Variants in SLC44A3 observed in about 807,000 individuals in gnomAD.
SLC44A3 encodes choline transporter-like protein 3.
Under a neutral mutation model 75.4 loss-of-function variants are expected in SLC44A3, and 74 were observed. The observed-to-expected ratio is 0.98, with a 90% CI of 0.81 to 1.19. The LOEUF (loss-of-function observed/expected upper bound fraction) is 1.19, where lower values mean the gene tolerates loss of function less well. Among genes scored for constraint, SLC44A3 ranks in the 50% most tolerant of loss-of-function variants. The pLI is 0.00. For synonymous variants in SLC44A3, 310 were observed against 296.9 expected (o/e 1.04, Z -0.45); for missense variants, 700 against 778.6 (o/e 0.90, Z 1.20).
At chr1:94,831,673 A>AT (rs1021957018) in intron 5 of SLC44A3, among the ~76,000 whole-genome samples, 1 of 152,104 alleles carries the variant, frequency 6.6e-6, no homozygotes, top group South Asian at 2.1e-4. Context: ...AGGCGTGGAT[A>AT]TTTTCCCCCC....
intron 1 of SLC44A3, 106 bp from the exon 2 acceptor site, chr1:94,820,843 A>G (rs1660465553): frequency 7.6e-7 from 1 of 1,323,042 alleles, no homozygotes; most frequent in Non-Finnish European, 1.0e-6. Flanking sequence ...AAAAATTTAG[A>G]AAAAGATTGG....
intron 11 of SLC44A3, among the ~76,000 whole-genome samples, chr1:94,865,368 C>T (rs1667036481): frequency 6.6e-6 from 1 of 151,924 alleles, no homozygotes; most frequent in Non-Finnish European, 1.5e-5. Context: ...ATGGGAAATT[C>T]CTGGTGTGTG....
At chr1:94,864,714 T>A in intron 10 of SLC44A3, 29 bp from the exon 11 acceptor site, 2 of 1,597,416 alleles carry the variant, frequency 1.3e-6, no homozygotes, top group Non-Finnish European at 1.7e-6. Context: ...AAAGTGTTTT[T>A]AAAATGCTAT....
intron 12 of SLC44A3, chr1:94,889,051 G>T (rs527962364): frequency 1.3e-5 from 2 of 152,130 alleles, no homozygotes; most frequent in South Asian, 4.2e-4. Flanking sequence ...ATGAGCCACC[G>T]TGCCTGGCCC....
intron 12 of SLC44A3, among the ~76,000 whole-genome samples, chr1:94,890,558 T>C (rs1456926771): frequency 6.6e-6 from 1 of 152,254 alleles, no homozygotes; most frequent in African/African-American, 2.4e-5. Context: ...TTGAAGGAGC[T>C]CACTTCCCTA....
chr1:94,840,099 A>G (rs1663381650), intron 7 of SLC44A3, 62 bp downstream of exon 7: 2 of 1,429,644 alleles, frequency 1.4e-6, no homozygotes, highest in Admixed American at 3.4e-5. Flanking sequence ...TACATTAAGT[A>G]CAGAACTTAA....
intron 12 of SLC44A3, among the ~76,000 whole-genome samples, chr1:94,880,407 A>T (rs1270825051): frequency 6.6e-6 from 1 of 152,208 alleles, no homozygotes; most frequent in African/African-American, 2.4e-5. Context: ...GATGAACCCC[A>T]AGGACATTAT....
At chr1:94,844,067 A>G (rs698965) in intron 8 of SLC44A3, among the ~76,000 whole-genome samples, 33,726 of 152,100 alleles carry the variant, frequency 0.22, 3,910 homozygotes, top group African/African-American at 0.27. Context: ...GTCCTTGACC[A>G]TAAGAATGGC....
At chr1:94,884,206 G>T (rs1157510574) in intron 12 of SLC44A3, among the ~76,000 whole-genome samples, 1 of 152,188 alleles carries the variant, frequency 6.6e-6, no homozygotes, top group African/African-American at 2.4e-5. Flanking sequence ...AGCCCCAGGG[G>T]ACTGGCTGCT....
intron 13 of SLC44A3, 31 bp downstream of exon 13, chr1:94,891,298 G>T (rs189102530): frequency 1.9e-6 from 3 of 1,566,974 alleles, no homozygotes; most frequent in African/African-American, 1.4e-5. Flanking sequence ...AAAGGAGCCT[G>T]GGATTCTGAA....
rs139808239 is a variant in SLC44A3, at chr1:94,842,088, C to T, written c.849C>T (p.Cys283=). ...ACACAGAAAGGGAAAATATGAAGTG[C>T]GTGCTGGGGTTTGCTATCGTATCCA... The part of the protein sequence containing the change: ...ELDTERENMK[C]VLGFAIVSTG... Residue 283 remains cysteine, a synonymous_variant, in exon 8 of 15, where the codon TGC becomes TGT. Transcript: ENST00000271227. The T allele has an allele frequency of 8.7e-5, 141 of 1,612,744 alleles. No homozygotes were observed. Among genetic ancestry groups the T allele is most frequent in the Middle Eastern group, 3.3e-4 (2 of 6,054 alleles).
chr1:94,849,564 A>T (rs988782332), intron 9 of SLC44A3, among the ~76,000 whole-genome samples: 2 of 151,824 alleles, frequency 1.3e-5, no homozygotes, highest in African/African-American at 4.8e-5. Context: ...CTTGAGAGGG[A>T]CTCTGAGCCG....
intron 9 of SLC44A3, among the ~76,000 whole-genome samples, chr1:94,854,244 A>G (rs528592991): frequency 6.6e-6 from 1 of 152,202 alleles, no homozygotes; most frequent in South Asian, 2.1e-4. Context: ...CAGAGATGTG[A>G]CTCTCAGCCT....
At chr1:94,838,002 C>A in intron 6 of SLC44A3, 131 bp downstream of exon 6, 1 of 923,822 alleles carries the variant, frequency 1.1e-6, no homozygotes, top group Non-Finnish European at 1.5e-6. Context: ...TAGATATTTT[C>A]AGTGTTTCAG....
Position 94,820,432 on chromosome 1 carries a change from C to T in SLC44A3, c.-20C>T, listed in dbSNP as rs996003585. ...GGCGGCGGCGGCTCCCAGTCACCGG[C>T]CCCCGCCGGCGAGCGCACGATGCAC... On this transcript the variant is annotated 5_prime_UTR_variant, in exon 1 of 15. Coordinates refer to ENST00000271227, the MANE Select transcript of SLC44A3 (RefSeq NM_001114106.3). 10 of 1,453,838 alleles carry T rather than the reference C, an allele frequency of 6.9e-6. No individual in the cohort carries two copies. Among genetic ancestry groups the T allele is most frequent in the Admixed American group, 4.9e-5 (2 of 40,496 alleles). 90.1% of individuals were successfully genotyped at this position (1,453,838 alleles called of 1,614,324 possible).
intron 12 of SLC44A3, among the ~76,000 whole-genome samples, chr1:94,878,794 A>T (rs2101590040): frequency 6.6e-6 from 1 of 152,354 alleles, no homozygotes; most frequent in Admixed American, 6.5e-5. Context: ...ATATGTGGCC[A>T]AATGATTTTT....
intron 10 of SLC44A3, among the ~76,000 whole-genome samples, chr1:94,858,101 C>A (rs536716686): frequency 6.6e-6 from 1 of 151,820 alleles, no homozygotes; most frequent in Non-Finnish European, 1.5e-5. Context: ...TGTGAGCCAC[C>A]GCACCTGGCT....
chr1:94,852,111 T>C (rs1665290231), intron 9 of SLC44A3, among the ~76,000 whole-genome samples: 1 of 152,166 alleles, frequency 6.6e-6, no homozygotes, highest in Admixed American at 6.5e-5. Context: ...TCAACAAATA[T>C]TTATTGAATA....
Position 94,892,373 on chromosome 1 carries a change from A to G in SLC44A3, c.1713A>G (p.Val571=), listed in dbSNP as rs763360218. 1 of 1,614,146 alleles carries G rather than the reference A, an allele frequency of 6.2e-7. No homozygotes were observed. The change falls in exon 14 of 15, where the codon GTA becomes GTG. Residue 571 remains valine, a synonymous_variant. Transcript: ENST00000271227. ...TGTGGGCAGTCCCTCTGTTATTGGT[A>G]GCTTTTTTTGCCTACTTAGTAGCCC... The part of the protein sequence containing the change: ...FQVWAVPLLL[V]AFFAYLVAHS...
Sources: gnomAD v4.1 joint callset for allele counts (sites outside exome capture counted in the v4.1 genomes callset) on GRCh38, gnomAD v4.1.1 for gene constraint, MANE v1.5 for transcripts, NCBI Gene and HGNC (gene_info 2026-07-23, HGNC 2026-07-21) for gene names.